The following AUH variants were observed in gnomAD, a reference collection of about 807,000 sequenced individuals.
AUH encodes AU RNA binding methylglutaconyl-CoA hydratase.
AUH carries 29 observed loss-of-function variants against 42.3 expected under a neutral mutation model. That is an observed-to-expected ratio of 0.69 (90% CI 0.51 to 0.93). The LOEUF (loss-of-function observed/expected upper bound fraction) is 0.93, where lower values mean the gene tolerates loss of function less well. Ranked by LOEUF, AUH falls within the 40% of genes least tolerant of loss-of-function variation. AUH has a pLI of 0.00. For synonymous variants in AUH, 174 were observed against 166.4 expected, an observed-to-expected ratio of 1.05 and a Z score of -0.35; for missense variants, 452 against 438.1, an observed-to-expected ratio of 1.03 and a Z score of -0.28.
At chr9:91,313,072 G>T (rs1202073595) in intron 4 of AUH, among the ~76,000 whole-genome samples, 4 of 152,152 alleles carry the variant, frequency 2.6e-5, no homozygotes, top group South Asian at 2.1e-4. Context: ...GGCTTTGCGG[G>T]GGGGGTTGTT....
At chr9:91,358,477 G>C (rs564532884) in intron 1 of AUH, among the ~76,000 whole-genome samples, 1 of 151,956 alleles carries the variant, frequency 6.6e-6, no homozygotes, top group Non-Finnish European at 1.5e-5. Context: ...TTAAGAATTC[G>C]GCAAGTTACT....
chr9:91,230,949 C>T (rs1032115592), intron 6 of AUH, among the ~76,000 whole-genome samples: 12 of 152,224 alleles, frequency 7.9e-5, no homozygotes, highest in African/African-American at 2.9e-4. Flanking sequence ...AACCACTGCT[C>T]TCTTCAAAGC....
At chr9:91,214,530 GA>G in intron 9 of AUH, 105 bp from the exon 10 acceptor site, 1 of 947,238 alleles carries the variant, frequency 1.1e-6, no homozygotes, top group Non-Finnish European at 1.6e-6. Flanking sequence ...CTAAAATTTT[GA>G]AATCAGTCAC....
At chr9:91,230,965 G>A (rs906204156) in intron 6 of AUH, among the ~76,000 whole-genome samples, 1 of 152,234 alleles carries the variant, frequency 6.6e-6, no homozygotes, top group African/African-American at 2.4e-5. Flanking sequence ...AAAGCTGTCA[G>A]ACAGGGACAT....
At chr9:91,226,871 G>A (rs1399678826) in intron 6 of AUH, among the ~76,000 whole-genome samples, 1 of 119,952 alleles carries the variant, frequency 8.3e-6, no homozygotes, top group Non-Finnish European at 1.7e-5. Flanking sequence ...TAGATATGCG[G>A]CGTTATTTCT....
intron 6 of AUH, among the ~76,000 whole-genome samples, chr9:91,247,801 AC>A (rs1828882345): frequency 6.6e-6 from 1 of 152,230 alleles, no homozygotes; most frequent in Non-Finnish European, 1.5e-5. Context: ...TATTTGCCAT[AC>A]TTACATTTTC....
At chr9:91,342,517 T>C (rs1460772151) in intron 3 of AUH, among the ~76,000 whole-genome samples, 2 of 152,308 alleles carry the variant, frequency 1.3e-5, no homozygotes, top group South Asian at 2.1e-4. Context: ...ATGTGATCCA[T>C]TAACTTTTTT....
chr9:91,264,793 T>C (rs1207691360), intron 6 of AUH, among the ~76,000 whole-genome samples: 1 of 152,212 alleles, frequency 6.6e-6, no homozygotes, highest in African/African-American at 2.4e-5. Context: ...AGCTAACTTT[T>C]CTAGGCCTTG....
At chr9:91,289,078 CATTA>C (rs1826651674) in intron 6 of AUH, among the ~76,000 whole-genome samples, 1 of 152,148 alleles carries the variant, frequency 6.6e-6, no homozygotes, top group Non-Finnish European at 1.5e-5. Flanking sequence ...AATAGCATCA[CATTA>C]ATTCTCTTGT....
intron 6 of AUH, among the ~76,000 whole-genome samples, chr9:91,275,825 AAG>A (rs1336564067): frequency 6.6e-6 from 1 of 152,206 alleles, no homozygotes; most frequent in African/African-American, 2.4e-5. Context: ...ATGAAATGAA[AAG>A]TGGTCTTGCT....
intron 6 of AUH, among the ~76,000 whole-genome samples, chr9:91,284,257 C>T (rs1826217560): frequency 6.6e-6 from 1 of 152,026 alleles, no homozygotes. Context: ...ACTGGCTAGC[C>T]ATATGTAGAA....
chr9:91,343,696 C>T (rs1831275013), intron 3 of AUH, among the ~76,000 whole-genome samples: 1 of 152,148 alleles, frequency 6.6e-6, no homozygotes, highest in Non-Finnish European at 1.5e-5. Context: ...TACACTGCTG[C>T]ACTCCAGCCT....
In AUH at chr9:91,284,556, T is replaced by C. The variant is rs558758313; in HGVS notation, c.655+11465A>G. Among the ~76,000 whole-genome samples, 39 of 152,214 alleles carry C rather than the reference T, an allele frequency of 2.6e-4. 1 individual carries two copies. Among genetic ancestry groups the C allele is most frequent in the South Asian group, 4.1e-4 (2 of 4,822 alleles). On this transcript the variant is annotated intron_variant, in intron 6 of 9. Coordinates refer to ENST00000375731, the MANE Select transcript of AUH (RefSeq NM_001698.3). ...ACAGAATGGGAGAAAATTTTTGCAATCTACTCATCTGACAAAGGGCTAATA... is the reference window on the plus strand; with the variant it reads ...ACAGAATGGGAGAAAATTTTTGCAACCTACTCATCTGACAAAGGGCTAATA...
chr9:91,226,452 C>T (rs1259555020), intron 6 of AUH, among the ~76,000 whole-genome samples: 2 of 151,598 alleles, frequency 1.3e-5, no homozygotes, highest in East Asian at 3.9e-4. Flanking sequence ...TGGATATTAG[C>T]CCTTTGTCAG....
chr9:91,256,911 G>A (rs910123450), intron 6 of AUH, among the ~76,000 whole-genome samples: 3 of 152,068 alleles, frequency 2.0e-5, no homozygotes, highest in Non-Finnish European at 4.4e-5. Flanking sequence ...CGATTATTCA[G>A]CGGACAAAAA....
rs752044125 is a variant in AUH at position 91,220,971 on chromosome 9, C to T, written c.677G>A (p.Arg226His). The T allele has an allele frequency of 2.8e-5, 45 of 1,614,008 alleles. No homozygotes were observed. In the South Asian group the frequency reaches 3.3e-4, roughly 12 times the overall value. Reference sequence around the variant, plus strand: ...CTTGGCCAGGGACATTCCAATGGCGCGTGGCAATCGCTGTGTCCCCCCTGA... The same window carrying T: ...CTTGGCCAGGGACATTCCAATGGCGTGTGGCAATCGCTGTGTCCCCCCTGA... ...PGGGGTQRLP[R>H]AIGMSLAKEL... Residue 226 changes from arginine to histidine, a missense_variant, in exon 7 of 10, where the codon CGC (arginine) becomes CAC (histidine). Arg to His is a conservative substitution (Grantham distance 29). Transcript: ENST00000375731.
intron 6 of AUH, among the ~76,000 whole-genome samples, chr9:91,253,472 A>G (rs1285589569): frequency 4.6e-5 from 7 of 152,258 alleles, no homozygotes; most frequent in Non-Finnish European, 8.8e-5. Flanking sequence ...TAAAACACCC[A>G]AGAAGAGGTA....
chr9:91,315,783 A>G (rs1232535189), intron 4 of AUH, among the ~76,000 whole-genome samples: 1 of 152,088 alleles, frequency 6.6e-6, no homozygotes, highest in East Asian at 1.9e-4. Flanking sequence ...CAGAACTAAC[A>G]CCTGTCTGCC....
intron 1 of AUH, among the ~76,000 whole-genome samples, chr9:91,361,238 A>T (rs566720835): frequency 6.6e-6 from 1 of 152,340 alleles, no homozygotes; most frequent in South Asian, 2.1e-4. Flanking sequence ...CAGCTTTTAC[A>T]ACTCCACCAC....
Sources: gnomAD v4.1 joint callset for allele counts (sites outside exome capture counted in the v4.1 genomes callset) on GRCh38, gnomAD v4.1.1 for gene constraint, MANE v1.5 for transcripts, NCBI Gene and HGNC (gene_info 2026-07-23, HGNC 2026-07-21) for gene names.